The following FAT3 variants were observed in gnomAD, a reference collection of about 807,000 sequenced individuals.
The protein encoded by FAT3 is protocadherin Fat 3.
FAT3 carries 95 observed loss-of-function variants against 310.2 expected under a neutral mutation model. That is an observed-to-expected ratio of 0.31 (90% CI 0.26 to 0.36). FAT3 has a LOEUF of 0.36. FAT3 is among the 10% of genes least tolerant of loss of function. FAT3 has a pLI of 1.00. For missense variants in FAT3, 5,408 were observed against 5,715.6 expected, an observed-to-expected ratio of 0.95 and a Z score of 1.74; for synonymous variants, 2,314 against 2,192.9, an observed-to-expected ratio of 1.06 and a Z score of -1.54.
chr11:92,319,527 A>G (rs1947553326), intron 1 of FAT3, among the ~76,000 whole-genome samples: 1 of 152,236 alleles, frequency 6.6e-6, no homozygotes, highest in South Asian at 2.1e-4. Context: ...CAGTAAGTAT[A>G]ATAGTGTGAA....
rs539254714 is a variant in FAT3 at position 92,362,095 on chromosome 11, C to CTAAT, written c.3292+6691_3292+6692insTAAT. 1.5e-4 allele frequency among the ~76,000 whole-genome samples: 23 copies of CTAAT among 152,288 alleles called. No homozygotes were observed. The East Asian group carries it at 4.1e-3, about 27-fold the overall frequency. On this transcript the variant is annotated intron_variant, in intron 2 of 27. Transcript: ENST00000525166. ...TGTTATGAGGAAAGACTCACAGGCC[C>CTAAT]GTGCCTATGCATTTACATTTACCTT...
intron 2 of FAT3, among the ~76,000 whole-genome samples, chr11:92,434,015 C>CAAA (rs5793598): frequency 0.015 from 1,850 of 125,694 alleles, 32 homozygotes; most frequent in East Asian, 0.02. Flanking sequence ...GACTCAGTCT[C>CAAA]AAAAAAAAAA....
At chr11:92,316,498 T>C (rs143926344) in intron 1 of FAT3, among the ~76,000 whole-genome samples, 1 of 152,344 alleles carries the variant, frequency 6.6e-6, no homozygotes, top group African/African-American at 2.4e-5. Context: ...CAGCTATCCA[T>C]GCTTAACAAG....
At chr11:92,324,012 C>T (rs112970330) in intron 1 of FAT3, among the ~76,000 whole-genome samples, 8 of 152,282 alleles carry the variant, frequency 5.3e-5, no homozygotes, top group South Asian at 2.1e-4. Context: ...CTGCTAGCTT[C>T]GGACTTTTCT....
At chr11:92,229,514 G>GTTTTTTTTTTTTTTT (rs1241053262) in intron 1 of FAT3, among the ~76,000 whole-genome samples, 2 of 59,310 alleles carry the variant, frequency 3.4e-5, no homozygotes, top group African/African-American at 1.2e-4. Flanking sequence ...TTTGTTTTTT[G>GTTTTTTTTTTTTTTT]TTTTTTTTTA....
chr11:92,340,814 CAAT>C (rs1466027342), intron 1 of FAT3, among the ~76,000 whole-genome samples: 2 of 152,074 alleles, frequency 1.3e-5, no homozygotes, highest in African/African-American at 4.8e-5. Flanking sequence ...ATGCACCAGT[CAAT>C]AATAAATAAC....
intron 2 of FAT3, among the ~76,000 whole-genome samples, chr11:92,489,736 G>T (rs2135231071): frequency 6.6e-6 from 1 of 152,102 alleles, no homozygotes; most frequent in South Asian, 2.1e-4. Flanking sequence ...GATGAAGAAG[G>T]GTGTATCCAG....
chr11:92,751,592 A>G (rs1945830290), intron 4 of FAT3, among the ~76,000 whole-genome samples: 2 of 152,172 alleles, frequency 1.3e-5, no homozygotes, highest in South Asian at 4.1e-4. Context: ...GCCATACCCC[A>G]CAACCCAGTG....
At chr11:92,870,911 C>G (rs1949370628) in intron 22 of FAT3, among the ~76,000 whole-genome samples, 1 of 152,148 alleles carries the variant, frequency 6.6e-6, no homozygotes, top group Non-Finnish European at 1.5e-5. Flanking sequence ...ACTCTGAGGT[C>G]AATACTATTC....
intron 4 of FAT3, among the ~76,000 whole-genome samples, chr11:92,706,987 A>G (rs559939017): frequency 7.7e-4 from 118 of 152,326 alleles, no homozygotes; most frequent in South Asian, 4.8e-3. Context: ...GTCATCTGGC[A>G]GTAGCTCTTC....
intron 3 of FAT3, among the ~76,000 whole-genome samples, chr11:92,696,637 T>TTGACAAAAGGAATTCCTAA (rs1235442775): frequency 7.2e-5 from 11 of 152,300 alleles, no homozygotes; most frequent in African/African-American, 2.6e-4. Context: ...CTAATTGCCA[T>TTGACAAAAGGAATTCCTAA]TTGACAAAAG....
At chr11:92,621,064 G>A (rs572594065) in intron 3 of FAT3, among the ~76,000 whole-genome samples, 5 of 152,272 alleles carry the variant, frequency 3.3e-5, no homozygotes, top group African/African-American at 9.6e-5. Flanking sequence ...AAAGATTAGA[G>A]TTTCAACATA....
intron 3 of FAT3, among the ~76,000 whole-genome samples, chr11:92,596,376 G>A (rs1408480991): frequency 6.6e-6 from 1 of 152,160 alleles, no homozygotes; most frequent in African/African-American, 2.4e-5. Context: ...ACAATTTTAT[G>A]TTCTGATGGT....
At chr11:92,740,547 A>C (rs1945479074) in intron 4 of FAT3, among the ~76,000 whole-genome samples, 1 of 152,204 alleles carries the variant, frequency 6.6e-6, no homozygotes, top group Non-Finnish European at 1.5e-5. Context: ...TAAGCAGATG[A>C]ATGTTAACTG....
At chr11:92,521,656 G>A (rs1953688915) in intron 2 of FAT3, among the ~76,000 whole-genome samples, 1 of 152,158 alleles carries the variant, frequency 6.6e-6, no homozygotes. Flanking sequence ...AAGGATTCCA[G>A]ATTTGAAACT....
Position 92,764,970 on chromosome 11 carries a change from C to A in FAT3, c.4076C>A (p.Pro1359Gln). The A allele has an allele frequency of 2.5e-6, 4 of 1,613,856 alleles. No homozygotes were observed. The highest frequency in any genetic ancestry group is 1.6e-4 in the Middle Eastern group (1 of 6,062). Residue 1359 changes from proline (P) to glutamine (Q), a missense_variant, in exon 6 of 28, where the codon CCA becomes CAA. Coordinates refer to ENST00000525166, the MANE Select transcript of FAT3 (RefSeq NM_001367949.2). ...AAGAAACCACCCCCTTCACCTATAC[C>A]ATTGACCTTCGATGAGCCGTTTTAT... Reference protein sequence around the residue: ...WIKKPPPSPIPLTFDEPFYNF... With the variant: ...WIKKPPPSPIQLTFDEPFYNF...
chr11:92,412,728 T>C (rs1227004331), intron 2 of FAT3, among the ~76,000 whole-genome samples: 3 of 45,924 alleles, frequency 6.5e-5, no homozygotes, highest in East Asian at 6.0e-4. Flanking sequence ...TATATATATA[T>C]ATATATATAT....
chr11:92,270,772 A>G lies in FAT3; in HGVS notation c.-18+45598A>G, dbSNP rs939218176. Among the ~76,000 whole-genome samples, 3 of 152,094 alleles carry G rather than the reference A, an allele frequency of 2.0e-5. No individual in the cohort carries two copies. The East Asian group carries it at 5.8e-4, about 29-fold the overall frequency. On this transcript the variant is annotated intron_variant, in intron 1 of 27. Coordinates refer to ENST00000525166, the MANE Select transcript of FAT3 (RefSeq NM_001367949.2). ...TGGACTCCCACTTAGATATTTGAGA[A>G]ATATCATATACATACATGTCTAAAC... is the stretch of plus-strand genomic sequence containing the variant.
chr11:92,473,358 T>G (rs113359238), intron 2 of FAT3, among the ~76,000 whole-genome samples: 1 of 106,548 alleles, frequency 9.4e-6, no homozygotes, highest in African/African-American at 3.5e-5. Flanking sequence ...GGGATAGAGA[T>G]ATCAAATCCA....
Sources: gnomAD v4.1 joint callset for allele counts (sites outside exome capture counted in the v4.1 genomes callset) on GRCh38, gnomAD v4.1.1 for gene constraint, MANE v1.5 for transcripts, NCBI Gene and HGNC (gene_info 2026-07-23, HGNC 2026-07-21) for gene names.